The following MOG variants were observed in gnomAD, a reference collection of about 807,000 sequenced individuals.
MOG encodes the protein myelin oligodendrocyte glycoprotein, also known as myelin-oligodendrocyte glycoprotein.
A neutral mutation model predicts 35.9 loss-of-function variants in MOG; 20 were observed. The observed-to-expected ratio is 0.56, with a 90% CI of 0.39 to 0.81. The LOEUF is 0.81. Ranked by LOEUF, MOG falls within the 30% of genes least tolerant of loss-of-function variation. The probability of loss-of-function intolerance (pLI) is 0.00; values close to 1 mark genes in which losing one functional copy is unlikely to be tolerated. For missense variants in MOG, 251 were observed against 301.0 expected (o/e 0.83, Z 1.23); for synonymous variants, 92 against 114.3 (o/e 0.80, Z 1.25).
chr6:29,672,019 T>A lies in MOG; in HGVS notation c.*834T>A, dbSNP rs150727407. ...AGATACGAGTTTTGGCCGGGTGCGG[T>A]GGCTCACGCCTGTAATCCCAGCACT... On this transcript the variant is annotated 3_prime_UTR_variant, in exon 8 of 8. Coordinates refer to ENST00000376917, the MANE Select transcript of MOG (RefSeq NM_206809.4). 2.4e-3 allele frequency: 373 copies of A among 156,848 alleles called. 4 individuals are homozygous for A. The highest frequency in any genetic ancestry group is 7.9e-3 in the African/African-American group (330 of 41,574). 9.7% of individuals were successfully genotyped at this position (156,848 alleles called of 1,614,324 possible). A position where few individuals can be genotyped will look rare whatever the true frequency, so the allele number is the denominator to read the frequency against.
At chr6:29,668,609 C>T (rs1480891460) in intron 5 of MOG, among the ~76,000 whole-genome samples, 1 of 152,210 alleles carries the variant, frequency 6.6e-6, no homozygotes, top group African/African-American at 2.4e-5. Context: ...GGTGACTCTA[C>T]TCTTGTCACC....
At chr6:29,667,865 G>A (rs1295946065) in intron 4 of MOG, 39 bp from the exon 5 acceptor site, 2 of 1,612,628 alleles carry the variant, frequency 1.2e-6, no homozygotes, top group South Asian at 1.1e-5. Flanking sequence ...TCCTTTTTGA[G>A]TGCCCTACTA....
chr6:29,659,905 C>A, intron 2 of MOG: 1 of 601,352 alleles, frequency 1.7e-6, no homozygotes, highest in Non-Finnish European at 2.9e-6. Context: ...ACAGAATGAA[C>A]AATGGTAGCC....
chr6:29,660,523 C>A (rs1489217475), intron 2 of MOG, among the ~76,000 whole-genome samples: 4 of 140,396 alleles, frequency 2.8e-5, no homozygotes, highest in Non-Finnish European at 1.5e-5. Flanking sequence ...CAGCGAGACT[C>A]CGTCTCAAAA....
intron 3 of MOG, among the ~76,000 whole-genome samples, chr6:29,666,923 G>GA (rs1770340831): frequency 6.6e-6 from 1 of 152,198 alleles, no homozygotes; most frequent in Non-Finnish European, 1.5e-5. Context: ...GTAGCAAGGA[G>GA]GGTATGGGGA....
chr6:29,667,731 G>T, intron 4 of MOG, 68 bp downstream of exon 4: 1 of 1,588,346 alleles, frequency 6.3e-7, no homozygotes, highest in Non-Finnish European at 8.6e-7. Flanking sequence ...AAATGGTCCC[G>T]TTCTTGGACC....
chr6:29,668,959 C>T (rs975040663), intron 5 of MOG, among the ~76,000 whole-genome samples: 13 of 147,600 alleles, frequency 8.8e-5, no homozygotes, highest in Admixed American at 8.8e-4. Flanking sequence ...CAGAGTTTTG[C>T]TCTTGTCACC....
At position 29,658,143 on chromosome 6, in the gene MOG, T is replaced by A. The variant is rs111399843; in HGVS notation, c.88+846T>A. Among the ~76,000 whole-genome samples, 786 of 152,310 alleles carry A rather than the reference T, an allele frequency of 5.2e-3. 9 individuals are homozygous for A. The highest frequency in any genetic ancestry group is 0.017 in the African/African-American group (727 of 41,574). On this transcript the variant is annotated intron_variant, in intron 1 of 7. Coordinates refer to ENST00000376917, the MANE Select transcript of MOG (RefSeq NM_206809.4). ...TAAATCTCAATAAATGTTTGTGGAA[T>A]TATAATATCTTGTCATGTTTGAGAC...
chr6:29,665,150 G>T (rs1371906423), intron 2 of MOG, among the ~76,000 whole-genome samples: 2 of 151,182 alleles, frequency 1.3e-5, no homozygotes, highest in Non-Finnish European at 2.9e-5. Context: ...AGGCTGGAGT[G>T]CAATGGCAAG....
Position 29,670,764 on chromosome 6 carries a change from A to G in MOG, c.730+43A>G. 1 of 1,608,780 alleles carries G rather than the reference A, an allele frequency of 6.2e-7. No homozygotes were observed. The highest frequency in any genetic ancestry group is 2.2e-5 in the East Asian group (1 of 44,856). ...TGTTATAAGCAGAGAATAAAAAGCC[A>G]GGAAAGGGAGACAGAAGCAACAAGA... On this transcript the variant is annotated intron_variant, in intron 7 of 7. Transcript: ENST00000376917. The surrounding 1 kb of genome is among the most constrained non-coding windows in gnomAD (Gnocchi z 4.2).
At chr6:29,661,264 A>G in intron 2 of MOG, 1 of 479,334 alleles carries the variant, frequency 2.1e-6, no homozygotes, top group Non-Finnish European at 2.7e-6. Flanking sequence ...GGGAGTGACC[A>G]TTGCAGTGCT....
Position 29,660,733 on chromosome 6 carries a change from C to CT in MOG, c.436+1078dup, listed in dbSNP as rs559313540. 7.2e-3 allele frequency among the ~76,000 whole-genome samples: 995 copies of CT among 137,634 alleles called. 29 individuals carry two copies. The highest frequency in any genetic ancestry group is 0.023 in the African/African-American group (861 of 36,848). 90.3% of individuals were successfully genotyped at this position (137,634 alleles called of 152,430 possible). On this transcript the variant is annotated intron_variant, in intron 2 of 7. Coordinates refer to ENST00000376917, the MANE Select transcript of MOG (RefSeq NM_206809.4). ...TTTTTTTTTTTCCTTTCTTTCTTTT[C>CT]TTTTTTTTTTTGACACAGAGTCTCG...
chr6:29,660,289 A>C (rs1188204863), intron 2 of MOG, among the ~76,000 whole-genome samples: 2 of 151,562 alleles, frequency 1.3e-5, no homozygotes, highest in African/African-American at 2.4e-5. Context: ...TGGGAGGCCG[A>C]GGTGGGCAGA....
At chr6:29,661,746 G>C (rs538114593) in intron 2 of MOG, 1 of 951,552 alleles carries the variant, frequency 1.1e-6, no homozygotes, top group South Asian at 4.9e-5. Context: ...AACCCCGGAG[G>C]CGGAGGTTGC....
intron 2 of MOG, among the ~76,000 whole-genome samples, chr6:29,660,834 G>C (rs530113139): frequency 6.7e-6 from 1 of 150,090 alleles, no homozygotes; most frequent in Non-Finnish European, 1.5e-5. Context: ...TCAGCCTCCC[G>C]AGTAGCTGAG....
At chr6:29,657,752 G>T (rs1192561135) in intron 1 of MOG, among the ~76,000 whole-genome samples, 1 of 140,572 alleles carries the variant, frequency 7.1e-6, no homozygotes, top group East Asian at 2.1e-4. Flanking sequence ...CTGCTGATCC[G>T]CCCGCCTCAG....
intron 3 of MOG, among the ~76,000 whole-genome samples, chr6:29,666,703 C>G (rs1272384523): frequency 1.3e-5 from 2 of 152,184 alleles, no homozygotes; most frequent in African/African-American, 4.8e-5. Flanking sequence ...AAGTCTCTAC[C>G]ACACAGTAGG....
At position 29,659,525 on chromosome 6, in the gene MOG, G is replaced by C; in HGVS notation, c.295G>C (p.Glu99Gln). ...DQAPEYRGRT[E>Q]LLKDAIGEGK... ...GGCACCTGAATATCGGGGCCGGACA[G>C]AGCTGCTGAAAGATGCTATTGGTGA... is the stretch of plus-strand genomic sequence containing the variant. Residue 99 changes from glutamate (E) to glutamine (Q), a missense_variant, in exon 2 of 8, where the codon GAG becomes CAG. Transcript: ENST00000376917. 6.2e-7 allele frequency: 1 copy of C among 1,613,090 alleles called. No homozygotes were observed.
At position 29,670,402 on chromosome 6, in the gene MOG, A is replaced by T. The variant is rs2273192; in HGVS notation, c.709+5A>T. On this transcript the variant is annotated splice_donor_5th_base_variant and intron_variant, in intron 6 of 7. Transcript: ENST00000376917. This position sits in a 1 kb window ranked among gnomAD's most constrained non-coding sequence, Gnocchi z 4.2. The stretch of plus-strand genomic sequence containing the variant: ...GGCTACATCGAAGACTAGCAGGTGC[A>T]GTGGCTGGGCAGCAGGCAAGACCAC... 1.9e-6 allele frequency: 3 copies of T among 1,613,712 alleles called. No homozygotes were observed. The Admixed American group carries it at 5.0e-5, about 27-fold the overall frequency.
Sources: allele counts gnomAD v4.1 joint callset (sites outside exome capture counted in the v4.1 genomes callset), GRCh38; gene constraint gnomAD v4.1.1; non-coding constraint Gnocchi (gnomAD v3.1); transcripts MANE v1.5; gene names NCBI Gene and HGNC (gene_info 2026-07-23, HGNC 2026-07-21).